CAMKV: variants seen among roughly 807,000 people sequenced by gnomAD.
CAMKV encodes CaM kinase like vesicle associated.
Under a neutral mutation model 50.2 loss-of-function variants are expected in CAMKV, and 5 were observed. That is an observed-to-expected ratio of 0.10 (90% CI 0.05 to 0.21). CAMKV has a LOEUF of 0.21. CAMKV is among the 10% of genes least tolerant of loss of function. CAMKV has a pLI of 1.00. For missense variants in CAMKV, 361 were observed against 650.5 expected (o/e 0.55, Z 4.84); for synonymous variants, 229 against 250.1 (o/e 0.92, Z 0.80).
chr3:49,869,678 C>A lies in CAMKV; in HGVS notation c.-15+80G>T, dbSNP rs6446187. The A allele has an allele frequency of 0.49, 74,813 of 152,022 alleles. 19,640 individuals are homozygous for A. The highest frequency in any genetic ancestry group is 0.64 in the African/African-American group (26,475 of 41,450). The allele number at this position is 152,022 out of a possible 1,614,324, so 9.4% of individuals were successfully genotyped here. ...GCGCCCCCGCGCACTCTGCATCCCG[C>A]ACCTCGAGCCAGGGAAACAATCCCC... On this transcript the variant is annotated intron_variant, in intron 1 of 10. Coordinates refer to ENST00000477224, the MANE Select transcript of CAMKV (RefSeq NM_024046.5). The surrounding 1 kb of genome is among the most constrained non-coding windows in gnomAD (Gnocchi z 5.2).
chr3:49,860,626 C>A lies in CAMKV; in HGVS notation c.776-77G>T. ...TAGAGGTGATAAATGGGCTGGGGGA[C>A]AGAAGCAGAATACCACAGAGGAAGA... On this transcript the variant is annotated intron_variant, in intron 8 of 10. Transcript: ENST00000477224. The surrounding 1 kb of genome is among the most constrained non-coding windows in gnomAD (Gnocchi z 6.1). The A allele has an allele frequency of 6.2e-7, 1 of 1,611,270 alleles. No individual in the cohort carries two copies. The highest frequency in any genetic ancestry group is 8.5e-7 in the Non-Finnish European group (1 of 1,177,692).
chr3:49,860,427 AG>A lies in CAMKV; in HGVS notation c.854+43del. ...CTCAAAGATGGGGCTGCTGGGTGTG[AG>A]GGGGACCCTGGCCTCTCCCACCCTC... On this transcript the variant is annotated intron_variant, in intron 9 of 10. Transcript: ENST00000477224. The surrounding 1 kb of genome is among the most constrained non-coding windows in gnomAD (Gnocchi z 6.1). 6.3e-7 allele frequency: 1 copy of A among 1,598,538 alleles called. No individual in the cohort carries two copies. Among genetic ancestry groups the A allele is most frequent in the Non-Finnish European group, 8.6e-7 (1 of 1,168,850 alleles).
In CAMKV at chr3:49,864,822, G is replaced by A. The variant is rs573204043; in HGVS notation, c.-14-2420C>T. ...AAGGCACTCACAGCCTCAAGGTAGT[G>A]GAGAAGGGAGGAGGCAAAGGAGGCA... On this transcript the variant is annotated intron_variant, in intron 1 of 10. Transcript: ENST00000477224. Among the ~76,000 whole-genome samples, 4 of 152,336 alleles carry A rather than the reference G, an allele frequency of 2.6e-5. No homozygotes were observed. In the South Asian group the frequency reaches 6.2e-4, roughly 24 times the overall value.
intron 1 of CAMKV, among the ~76,000 whole-genome samples, chr3:49,866,482 A>C (rs1005901571): frequency 3.2e-4 from 49 of 152,324 alleles, no homozygotes; most frequent in African/African-American, 1.1e-3. Flanking sequence ...AGGCCATGGA[A>C]GGGCATGGGA....
In CAMKV at chr3:49,860,801, C is replaced by CTCATAA. The variant is rs1559456344; in HGVS notation, c.684_689dup (p.Asp228_Tyr229dup). 6.2e-7 allele frequency: 1 copy of CTCATAA among 1,614,152 alleles called. No individual in the cohort carries two copies. Among genetic ancestry groups the CTCATAA allele is most frequent in the Non-Finnish European group, 8.5e-7 (1 of 1,180,024 alleles). On this transcript the variant is annotated inframe_insertion, in exon 8 of 11. Transcript: ENST00000477224. This position sits in a 1 kb window ranked among gnomAD's most constrained non-coding sequence, Gnocchi z 6.1. ...TGCGGAAGAGATTCTTATCATGGTT[C>CTCATAA]TCATAATCATCTTCTTCCACCTCCT...
In CAMKV at chr3:49,869,533, T is replaced by TC. The variant is rs910323738; in HGVS notation, c.-15+224dup. ...TTCACAATTCCGAGCCGCAGAAGCT[T>TC]CCCCCCAGAACCCCCAAGCCGTCCG... On this transcript the variant is annotated intron_variant, in intron 1 of 10. Coordinates refer to ENST00000477224, the MANE Select transcript of CAMKV (RefSeq NM_024046.5). This position sits in a 1 kb window ranked among gnomAD's most constrained non-coding sequence, Gnocchi z 5.2. Among the ~76,000 whole-genome samples the TC allele has an allele frequency of 2.0e-5, 3 of 151,268 alleles. No individual in the cohort carries two copies. The highest frequency in any genetic ancestry group is 4.9e-5 in the African/African-American group (2 of 41,058).
At position 49,861,411 on chromosome 3, in the gene CAMKV, G is replaced by A. The variant is rs372648767; in HGVS notation, c.441+28C>T. ...CCCAGCACCAGCCCAGCTGCCAACTGGCCCTTTGACTCTGGCTCTGCCCTC... is the reference window on the plus strand; with the variant it reads ...CCCAGCACCAGCCCAGCTGCCAACTAGCCCTTTGACTCTGGCTCTGCCCTC... On this transcript the variant is annotated intron_variant, in intron 5 of 10. Coordinates refer to ENST00000477224, the MANE Select transcript of CAMKV (RefSeq NM_024046.5). The surrounding 1 kb of genome is among the most constrained non-coding windows in gnomAD (Gnocchi z 7.7). The A allele has an allele frequency of 2.4e-5, 39 of 1,613,656 alleles. No individual in the cohort carries two copies. In the African/African-American group the frequency reaches 3.6e-4, roughly 15 times the overall value.
Position 49,859,302 on chromosome 3 carries a change from T to C in CAMKV, c.*16A>G, listed in dbSNP as rs750528372. On this transcript the variant is annotated 3_prime_UTR_variant, in exon 11 of 11. Coordinates refer to ENST00000477224, the MANE Select transcript of CAMKV (RefSeq NM_024046.5). This position sits in a 1 kb window ranked among gnomAD's most constrained non-coding sequence, Gnocchi z 5.5. ...CCTCCTGCCCATCCCCTGCCCCCCC[T>C]CACCAGGCTGCCTACTCAGCTGGCC... 1.7e-6 allele frequency: 2 copies of C among 1,170,552 alleles called. No homozygotes were observed. Among genetic ancestry groups the C allele is most frequent in the Non-Finnish European group, 2.3e-6 (2 of 852,832 alleles). 72.5% of individuals were successfully genotyped at this position (1,170,552 alleles called of 1,614,324 possible).
chr3:49,869,569 G>T lies in CAMKV; in HGVS notation c.-15+189C>A, dbSNP rs1272324410. On this transcript the variant is annotated intron_variant, in intron 1 of 10. Coordinates refer to ENST00000477224, the MANE Select transcript of CAMKV (RefSeq NM_024046.5). This position sits in a 1 kb window ranked among gnomAD's most constrained non-coding sequence, Gnocchi z 5.2. Reference sequence around the variant, plus strand: ...CCCCCAAGCCGTCCGAGGTAATGGGGAACTTTAGCCCGACCCCGCACTCCC... The same window carrying T: ...CCCCCAAGCCGTCCGAGGTAATGGGTAACTTTAGCCCGACCCCGCACTCCC... Among the ~76,000 whole-genome samples, 1 of 152,078 alleles carries T rather than the reference G, an allele frequency of 6.6e-6. No individual in the cohort carries two copies. The highest frequency in any genetic ancestry group is 1.5e-5 in the Non-Finnish European group (1 of 67,994).
rs2081999431 is a variant in CAMKV, at chr3:49,859,166, C to CT, written c.*151dup. 1.5e-6 allele frequency: 1 copy of CT among 683,100 alleles called. No individual in the cohort carries two copies. Among genetic ancestry groups the CT allele is most frequent in the African/African-American group, 1.8e-5 (1 of 55,858 alleles). The allele number at this position is 683,100 out of a possible 1,614,324, so 42.3% of individuals were successfully genotyped here. A position where few individuals can be genotyped will look rare whatever the true frequency, so the allele number is the denominator to read the frequency against. ...CACATACACACAGGAGACGAGACTG[C>CT]TCTCCCGTGACCCCTAGTTATGCCC... On this transcript the variant is annotated 3_prime_UTR_variant, in exon 11 of 11. Transcript: ENST00000477224. The surrounding 1 kb of genome is among the most constrained non-coding windows in gnomAD (Gnocchi z 5.5).
Position 49,861,105 on chromosome 3 carries a change from T to C in CAMKV, c.562+75A>G. 6.3e-7 allele frequency: 1 copy of C among 1,598,086 alleles called. No individual in the cohort carries two copies. Among genetic ancestry groups the C allele is most frequent in the Non-Finnish European group, 8.5e-7 (1 of 1,171,704 alleles). ...CACCAGCTTCCTGAGATGAGCACAT[T>C]TTCCCCCTGCCCAGAGCAGCTCCCT... is the stretch of plus-strand genomic sequence containing the variant. On this transcript the variant is annotated intron_variant, in intron 6 of 10. Transcript: ENST00000477224. The surrounding 1 kb of genome is among the most constrained non-coding windows in gnomAD (Gnocchi z 7.7).
rs1370493065 is a variant in CAMKV at position 49,861,017 on chromosome 3, G to C, written c.564C>G (p.Ala188=). The stretch of plus-strand genomic sequence containing the variant: ...ACCGCTGCCGGCCTACCACCTCTGG[G>C]GCTACAAACACAGCGCCCATCTGCT... ...KEPCGTPEYL[A]PEVVGRQRYG... Residue 188 remains alanine, a splice_region_variant and synonymous_variant, in exon 7 of 11, where the codon GCC becomes GCG. Transcript: ENST00000477224. The surrounding 1 kb of genome is among the most constrained non-coding windows in gnomAD (Gnocchi z 7.7). 1 of 1,614,032 alleles carries C rather than the reference G, an allele frequency of 6.2e-7. No individual in the cohort carries two copies. Among genetic ancestry groups the C allele is most frequent in the East Asian group, 2.2e-5 (1 of 44,862 alleles).
chr3:49,863,876 T>G (rs1004767258), intron 1 of CAMKV, among the ~76,000 whole-genome samples: 1 of 151,778 alleles, frequency 6.6e-6, no homozygotes, highest in African/African-American at 2.4e-5. Flanking sequence ...GCCCAGGCTG[T>G]TCTTGAACTC....
chr3:49,860,114 T>C lies in CAMKV; in HGVS notation c.942+57A>G, dbSNP rs930064928. Reference sequence around the variant, plus strand: ...CAGGGGTGTGATGCAGGCAAGAAACTGAGTGCCAGAAGCAATACTTGGGAT... The same window carrying C: ...CAGGGGTGTGATGCAGGCAAGAAACCGAGTGCCAGAAGCAATACTTGGGAT... On this transcript the variant is annotated intron_variant, in intron 10 of 10. Coordinates refer to ENST00000477224, the MANE Select transcript of CAMKV (RefSeq NM_024046.5). This position sits in a 1 kb window ranked among gnomAD's most constrained non-coding sequence, Gnocchi z 6.1. The C allele has an allele frequency of 2.7e-5, 40 of 1,483,710 alleles. No homozygotes were observed. Among genetic ancestry groups the C allele is most frequent in the South Asian group, 2.4e-4 (21 of 88,312 alleles). 91.9% of individuals were successfully genotyped at this position (1,483,710 alleles called of 1,614,324 possible). A position where few individuals can be genotyped will look rare whatever the true frequency, so the allele number is the denominator to read the frequency against.
Position 49,860,432 on chromosome 3 carries a change from G to T in CAMKV, c.854+39C>A. ...AGATGGGGCTGCTGGGTGTGAGGGG[G>T]ACCCTGGCCTCTCCCACCCTCCCCT... On this transcript the variant is annotated intron_variant, in intron 9 of 10. Transcript: ENST00000477224. This position sits in a 1 kb window ranked among gnomAD's most constrained non-coding sequence, Gnocchi z 6.1. 1 of 1,599,976 alleles carries T rather than the reference G, an allele frequency of 6.3e-7. No homozygotes were observed. The highest frequency in any genetic ancestry group is 1.1e-5 in the South Asian group (1 of 89,784).
Position 49,862,867 on chromosome 3 carries a change from TAA to T in CAMKV, c.-14-467_-14-466del, listed in dbSNP as rs1164611038. Among the ~76,000 whole-genome samples, 1 of 152,186 alleles carries T rather than the reference TAA, an allele frequency of 6.6e-6. No individual in the cohort carries two copies. Among genetic ancestry groups the T allele is most frequent in the Non-Finnish European group, 1.5e-5 (1 of 68,036 alleles). On this transcript the variant is annotated intron_variant, in intron 1 of 10. Coordinates refer to ENST00000477224, the MANE Select transcript of CAMKV (RefSeq NM_024046.5). This position sits in a 1 kb window ranked among gnomAD's most constrained non-coding sequence, Gnocchi z 5.2. ...TTGTAAAGCAGTTTGGTAAAACCAC[TAA>T]AGTCAAACAAACATACCCTATGAAC...
In CAMKV at chr3:49,861,107, T is replaced by A. The variant is rs746342901; in HGVS notation, c.562+73A>T. The A allele has an allele frequency of 1.3e-6, 2 of 1,596,374 alleles. No individual in the cohort carries two copies. The highest frequency in any genetic ancestry group is 2.2e-5 in the South Asian group (2 of 89,228). ...CCAGCTTCCTGAGATGAGCACATTT[T>A]CCCCCTGCCCAGAGCAGCTCCCTGA... On this transcript the variant is annotated intron_variant, in intron 6 of 10. Transcript: ENST00000477224. The surrounding 1 kb of genome is among the most constrained non-coding windows in gnomAD (Gnocchi z 7.7).
rs2082033545 is a variant in CAMKV, at chr3:49,862,843, T to C, written c.-14-441A>G. Among the ~76,000 whole-genome samples the C allele has an allele frequency of 6.6e-6, 1 of 152,230 alleles. No individual in the cohort carries two copies. Among genetic ancestry groups the C allele is most frequent in the Non-Finnish European group, 1.5e-5 (1 of 68,048 alleles). On this transcript the variant is annotated intron_variant, in intron 1 of 10. Transcript: ENST00000477224. This position sits in a 1 kb window ranked among gnomAD's most constrained non-coding sequence, Gnocchi z 5.2. ...TGCTAGGAGAGGGCAAACTCCCCTT[T>C]GTAAAGCAGTTTGGTAAAACCACTA...
chr3:49,858,212 C>A lies in CAMKV; in HGVS notation c.*1106G>T. ...CCCTCAGGAAACTGGGGAGTTTAAC[C>A]CTACTTCCTCATCCCAGAAAAAGCA... On this transcript the variant is annotated 3_prime_UTR_variant, in exon 11 of 11. Coordinates refer to ENST00000477224, the MANE Select transcript of CAMKV (RefSeq NM_024046.5). 2.5e-6 allele frequency: 1 copy of A among 398,500 alleles called. No homozygotes were observed. Among genetic ancestry groups the A allele is most frequent in the South Asian group, 1.3e-4 (1 of 7,750 alleles). The allele number at this position is 398,500 out of a possible 1,614,324, so 24.7% of individuals were successfully genotyped here. A position where few individuals can be genotyped will look rare whatever the true frequency, so the allele number is the denominator to read the frequency against.
Sources: allele counts gnomAD v4.1 joint callset (sites outside exome capture counted in the v4.1 genomes callset), GRCh38; gene constraint gnomAD v4.1.1; non-coding constraint Gnocchi (gnomAD v3.1); transcripts MANE v1.5; gene names NCBI Gene and HGNC (gene_info 2026-07-23, HGNC 2026-07-21).